The following MACF1 variants were observed in gnomAD, a reference collection of about 807,000 sequenced individuals.
MACF1 encodes the protein microtubule-actin cross-linking factor 1.
A neutral mutation model predicts 854.8 loss-of-function variants in MACF1; 193 were observed. That is an observed-to-expected ratio of 0.23 (90% CI 0.20 to 0.25). The LOEUF is 0.25. MACF1 is among the 10% of genes least tolerant of loss of function. MACF1 has a pLI of 1.00. For missense variants in MACF1, 7,722 were observed against 8,929.1 expected (o/e 0.86, Z 5.45); for synonymous variants, 3,185 against 3,226.7 (o/e 0.99, Z 0.44).
At chr1:39,098,352 C>T (rs1467950958) in intron 2 of MACF1, among the ~76,000 whole-genome samples, 1 of 152,240 alleles carries the variant, frequency 6.6e-6, no homozygotes, top group Non-Finnish European at 1.5e-5. Context: ...TGGTAACTTG[C>T]TCAAGGTCTC....
At chr1:39,418,708 A>G (rs901572209) in intron 58 of MACF1, among the ~76,000 whole-genome samples, 4 of 152,128 alleles carry the variant, frequency 2.6e-5, no homozygotes, top group African/African-American at 9.7e-5. Context: ...ACCAAAAAAT[A>G]CAAAATTAGC....
intron 58 of MACF1, among the ~76,000 whole-genome samples, chr1:39,393,230 GTC>G (rs1439792526): frequency 1.9e-5 from 2 of 105,740 alleles, no homozygotes; most frequent in Non-Finnish European, 3.8e-5. Context: ...TATATGTTAA[GTC>G]TCTGATGATA....
At chr1:39,115,604 A>G (rs1642524209) in intron 2 of MACF1, among the ~76,000 whole-genome samples, 1 of 152,124 alleles carries the variant, frequency 6.6e-6, no homozygotes, top group Non-Finnish European at 1.5e-5. Flanking sequence ...TCCAGGAGGT[A>G]GTTGGTTGTA....
chr1:39,176,189 A>C (rs1449861948), intron 2 of MACF1, among the ~76,000 whole-genome samples: 1 of 149,072 alleles, frequency 6.7e-6, no homozygotes, highest in Non-Finnish European at 1.5e-5. Flanking sequence ...AGTGCAGGAG[A>C]ATCACTTGAA....
At chr1:39,479,554 C>T (rs912434743) in intron 97 of MACF1, among the ~76,000 whole-genome samples, 1 of 152,186 alleles carries the variant, frequency 6.6e-6, no homozygotes, top group African/African-American at 2.4e-5. Context: ...ACGCTAGCAG[C>T]AGAGTGGGCT....
In MACF1 at chr1:39,423,634, C is replaced by CAA. The variant is rs372928855; in HGVS notation, c.16150-377_16150-376dup. Among the ~76,000 whole-genome samples the CAA allele has an allele frequency of 3.7e-3, 346 of 93,726 alleles. 5 individuals carry two copies. Among genetic ancestry groups the CAA allele is most frequent in the African/African-American group, 6.1e-3 (135 of 22,108 alleles). The allele number at this position is 93,726 out of a possible 152,430, so 61.5% of individuals were successfully genotyped here. On this transcript the variant is annotated intron_variant, in intron 60 of 100. Transcript: ENST00000564288. ...TGGGAGACAGAGCGAGACTCTGTCT[C>CAA]AAAAAAAAAAAAAAAAAATGTTTAT... is the stretch of plus-strand genomic sequence containing the variant.
In MACF1 at chr1:39,397,365, C is replaced by G. The variant is rs539272412; in HGVS notation, c.15816+8707C>G. On this transcript the variant is annotated intron_variant, in intron 58 of 100. Coordinates refer to ENST00000564288, the MANE Select transcript of MACF1 (RefSeq NM_001394062.1). ...TCACCTGAGGTCAGAAGTTCAAGACCAGCCTGGTCAACATGGTGAAACCCG... is the reference window on the plus strand; with the variant it reads ...TCACCTGAGGTCAGAAGTTCAAGACGAGCCTGGTCAACATGGTGAAACCCG... Among the ~76,000 whole-genome samples the G allele has an allele frequency of 1.2e-3, 180 of 152,228 alleles. 1 individual carries two copies. The highest frequency in any genetic ancestry group is 2.2e-3 in the Non-Finnish European group (149 of 68,014).
intron 2 of MACF1, among the ~76,000 whole-genome samples, chr1:39,242,141 A>G (rs1458560036): frequency 6.6e-6 from 1 of 152,172 alleles, no homozygotes; most frequent in Non-Finnish European, 1.5e-5. Flanking sequence ...TGAGACCAGG[A>G]GTTCAAGACC....
intron 2 of MACF1, among the ~76,000 whole-genome samples, chr1:39,107,279 G>C (rs938222888): frequency 3.3e-5 from 5 of 151,998 alleles, no homozygotes; most frequent in African/African-American, 1.2e-4. Context: ...ATGAGGCTGG[G>C]AAAGAAGGGG....
chr1:39,130,659 T>C (rs1642978422), intron 2 of MACF1, among the ~76,000 whole-genome samples: 1 of 152,174 alleles, frequency 6.6e-6, no homozygotes, highest in African/African-American at 2.4e-5. Context: ...TACTAATTTA[T>C]ATCCTTGAAA....
Position 39,334,359 on chromosome 1 carries a change from C to T in MACF1, c.7771C>T (p.Gln2591Ter), listed in dbSNP as rs915990170. ...AAACTTTGTGGATCTCATTTCTGGT[C>T]AGAGATTGACCTTGGCAGAAGCTAA... ...TGNFVDLISGQRLTLAEAKKE... is the reference protein window; with the variant it reads ...TGNFVDLISG The change falls in exon 37 of 101, where the codon CAG becomes TAG. Residue 2591 changes from glutamine to a stop codon, truncating the protein, a stop_gained. Coordinates refer to ENST00000564288, the MANE Select transcript of MACF1 (RefSeq NM_001394062.1). LOFTEE classifies it high-confidence loss of function. 5 of 1,613,978 alleles carry T rather than the reference C, an allele frequency of 3.1e-6. No individual in the cohort carries two copies. Among genetic ancestry groups the T allele is most frequent in the Non-Finnish European group, 4.2e-6 (5 of 1,179,996 alleles).
chr1:39,447,955 A>G, intron 82 of MACF1, 57 bp downstream of exon 82: 1 of 1,610,776 alleles, frequency 6.2e-7, no homozygotes, highest in South Asian at 1.1e-5. Flanking sequence ...GCATGTATTG[A>G]GTCTCTGGGA....
chr1:39,417,852 A>G (rs1643386679), intron 58 of MACF1, among the ~76,000 whole-genome samples: 1 of 148,946 alleles, frequency 6.7e-6, no homozygotes, highest in Non-Finnish European at 1.5e-5. Context: ...TGCTGGGATT[A>G]CAGGCATGAG....
intron 26 of MACF1, 30 bp from the exon 27 acceptor site, chr1:39,315,483 C>G: frequency 6.2e-7 from 1 of 1,609,052 alleles, no homozygotes; most frequent in East Asian, 2.2e-5. Flanking sequence ...AATTCTGTCT[C>G]CCTCTTTATG....
chr1:39,385,382 G>C, intron 56 of MACF1, 52 bp from the exon 57 acceptor site: 1 of 1,585,982 alleles, frequency 6.3e-7, no homozygotes, highest in South Asian at 1.2e-5. Context: ...ACTGCTTTTA[G>C]ATAGATCTGT....
intron 2 of MACF1, among the ~76,000 whole-genome samples, chr1:39,162,802 A>G (rs972456888): frequency 1.3e-5 from 2 of 152,126 alleles, no homozygotes; most frequent in African/African-American, 4.8e-5. Flanking sequence ...TGTTAGCGAT[A>G]CTGTTTCTAA....
chr1:39,412,954 ACAGCTGCTGCAGTAT>A, intron 58 of MACF1: 2 of 1,596,466 alleles, frequency 1.3e-6, no homozygotes, highest in Non-Finnish European at 1.7e-6. Context: ...GGAGGATGTC[ACAGCTGCTGCAGTAT>A]CAGCCCCAGA....
chr1:39,470,259 C>A (rs1011599574), intron 97 of MACF1, among the ~76,000 whole-genome samples: 4 of 152,148 alleles, frequency 2.6e-5, no homozygotes, highest in Non-Finnish European at 4.4e-5. Context: ...TTCAGATATG[C>A]CCCTAAGTAG....
chr1:39,316,340 T>C, intron 27 of MACF1, 51 bp from the exon 28 acceptor site: 6 of 1,529,544 alleles, frequency 3.9e-6, no homozygotes, highest in Non-Finnish European at 4.4e-6. Flanking sequence ...TATATAACCC[T>C]GGCTCCTAAA....
Sources: gnomAD v4.1 joint callset for allele counts (sites outside exome capture counted in the v4.1 genomes callset) on GRCh38, gnomAD v4.1.1 for gene constraint, MANE v1.5 for transcripts, NCBI Gene and HGNC (gene_info 2026-07-23, HGNC 2026-07-21) for gene names.